SLC35D1: variants seen among roughly 807,000 people sequenced by gnomAD.
SLC35D1 encodes nucleotide sugar transporter SLC35D1.
SLC35D1 carries 31 observed loss-of-function variants against 46.7 expected under a neutral mutation model. The ratio of observed to expected loss-of-function variants is 0.66; its 90% CI spans 0.50 to 0.90. The LOEUF (loss-of-function observed/expected upper bound fraction) is 0.90, where lower values mean the gene tolerates loss of function less well. SLC35D1 is among the 40% of genes least tolerant of loss of function. The probability of loss-of-function intolerance (pLI) is 0.00; values close to 1 mark genes in which losing one functional copy is unlikely to be tolerated. For synonymous variants in SLC35D1, 195 were observed against 164.6 expected (o/e 1.18, Z -1.41); for missense variants, 397 against 426.2 (o/e 0.93, Z 0.60).
At position 67,015,941 on chromosome 1, in the gene SLC35D1, T is replaced by A. The variant is rs1667676428; in HGVS notation, c.876+4428A>T. On this transcript the variant is annotated intron_variant, in intron 10 of 11. Coordinates refer to ENST00000235345, the MANE Select transcript of SLC35D1 (RefSeq NM_015139.3). The stretch of plus-strand genomic sequence containing the variant: ...CTGCAATCCTGTTTTAAACCTTTGT[T>A]ATCTGACATATTTCCCCAAATCAAA... Among the ~76,000 whole-genome samples the A allele has an allele frequency of 2.0e-5, 3 of 152,166 alleles. 1 individual carries two copies. The South Asian group carries it at 6.2e-4, about 32-fold the overall frequency.
chr1:66,985,589 A>T, the SLC35D1 span: 1 of 985,224 alleles, frequency 1.0e-6, no homozygotes, highest in South Asian at 4.7e-5. Context: ...AAAGATTTTT[A>T]CAGTACATAT....
chr1:67,013,740 TGA>T (rs983031090), intron 10 of SLC35D1, among the ~76,000 whole-genome samples: 4 of 152,058 alleles, frequency 2.6e-5, no homozygotes. Flanking sequence ...TGTGTGTGTG[TGA>T]GAGATGAGTG....
intron 8 of SLC35D1, among the ~76,000 whole-genome samples, chr1:67,039,731 T>C (rs1408822122): frequency 6.6e-6 from 1 of 152,150 alleles, no homozygotes; most frequent in African/African-American, 2.4e-5. Context: ...TTATCAGCAC[T>C]GATTATAGGG....
chr1:67,008,260 T>C (rs932458568), intron 11 of SLC35D1: 9 of 340,300 alleles, frequency 2.6e-5, no homozygotes, highest in African/African-American at 1.7e-4. Context: ...TGCCTCAGCC[T>C]CCCGAGCAGC....
At chr1:67,050,638 C>G in intron 4 of SLC35D1, 134 bp from the exon 5 acceptor site, 1 of 735,430 alleles carries the variant, frequency 1.4e-6, no homozygotes. Flanking sequence ...TATGGTTAAA[C>G]CCCTGCTTCT....
chr1:67,046,254 C>T (rs759256835), intron 7 of SLC35D1, among the ~76,000 whole-genome samples: 9 of 152,148 alleles, frequency 5.9e-5, no homozygotes, highest in Non-Finnish European at 1.2e-4. Flanking sequence ...GGCAAAGCCC[C>T]TGGCCAAGGC....
intron 10 of SLC35D1, among the ~76,000 whole-genome samples, chr1:67,013,647 C>T (rs1057161144): frequency 3.9e-5 from 6 of 152,062 alleles, no homozygotes; most frequent in Admixed American, 6.5e-5. Context: ...ATCTAGAGGG[C>T]ACTTCTAATG....
chr1:66,977,819 A>T, the SLC35D1 span, among the ~76,000 whole-genome samples: 12 of 152,158 alleles, frequency 7.9e-5, no homozygotes, highest in Non-Finnish European at 1.3e-4. Flanking sequence ...ATAATGCAAA[A>T]TAAAAAATAA....
At chr1:67,044,312 G>A (rs1176867137) in intron 7 of SLC35D1, among the ~76,000 whole-genome samples, 4 of 140,728 alleles carry the variant, frequency 2.8e-5, no homozygotes, top group Admixed American at 2.2e-4. Context: ...CAGGCTGGGC[G>A]ACAGAGTGAG....
the SLC35D1 span, among the ~76,000 whole-genome samples, chr1:66,990,515 C>T: frequency 6.6e-6 from 1 of 151,958 alleles, no homozygotes; most frequent in Non-Finnish European, 1.5e-5. Context: ...AATCCGCCTG[C>T]CCCAGCCTCC....
chr1:66,983,807 A>G, the SLC35D1 span, among the ~76,000 whole-genome samples: 4 of 152,134 alleles, frequency 2.6e-5, no homozygotes, highest in African/African-American at 7.2e-5. Context: ...GGCTCACTGC[A>G]ACCTCCGCCT....
the SLC35D1 span, among the ~76,000 whole-genome samples, chr1:66,993,339 A>G: frequency 2.6e-5 from 4 of 152,188 alleles, no homozygotes; most frequent in Admixed American, 6.5e-5. Flanking sequence ...CTGCCTTCAA[A>G]GGACACCTTA....
intron 10 of SLC35D1, among the ~76,000 whole-genome samples, chr1:67,015,830 G>C (rs1056521915): frequency 1.3e-5 from 2 of 152,112 alleles, no homozygotes; most frequent in African/African-American, 4.8e-5. Flanking sequence ...TCTTTATTAT[G>C]TCTTATAAGT....
At chr1:66,973,222 C>G in the SLC35D1 span, among the ~76,000 whole-genome samples, 1 of 152,018 alleles carries the variant, frequency 6.6e-6, no homozygotes, top group South Asian at 2.1e-4. Flanking sequence ...GAATTGTACT[C>G]ATTTACAAGC....
Position 67,004,229 on chromosome 1 carries a change from G to A in SLC35D1, c.*111C>T, listed in dbSNP as rs540665453. 1.3e-3 allele frequency: 1,138 copies of A among 900,258 alleles called. 17 individuals carry two copies. The South Asian group carries it at 0.014, about 11-fold the overall frequency. The allele number at this position is 900,258 out of a possible 1,614,324, so 55.8% of individuals were successfully genotyped here. On this transcript the variant is annotated 3_prime_UTR_variant, in exon 12 of 12. Transcript: ENST00000235345. ...ATCCTCAGATTGTACAAGTGCAAAG[G>A]AATGGTTATTTCCTCCATAATCAAG...
chr1:67,031,527 A>G (rs1365387899), intron 8 of SLC35D1, among the ~76,000 whole-genome samples: 2 of 152,196 alleles, frequency 1.3e-5, no homozygotes, highest in African/African-American at 4.8e-5. Context: ...CATAACCTAT[A>G]GTCTTTCCAT....
At chr1:67,032,602 AC>A (rs1668039663) in intron 8 of SLC35D1, among the ~76,000 whole-genome samples, 1 of 151,986 alleles carries the variant, frequency 6.6e-6, no homozygotes, top group South Asian at 2.1e-4. Context: ...AATAACTTGA[AC>A]CCAGGAGGCA....
downstream of SLC35D1, among the ~76,000 whole-genome samples, chr1:66,996,096 A>G (rs536757776): frequency 2.6e-5 from 4 of 152,366 alleles, no homozygotes; most frequent in South Asian, 8.3e-4. Context: ...ATGCACCAGT[A>G]AAGTGCTGGA....
the SLC35D1 span, chr1:66,987,288 G>T: frequency 6.6e-6 from 1 of 152,662 alleles, no homozygotes; most frequent in Admixed American, 6.6e-5. Context: ...GTAATATCAT[G>T]AATTTAATTT....
Sources: gnomAD v4.1 joint callset for allele counts (sites outside exome capture counted in the v4.1 genomes callset) on GRCh38, gnomAD v4.1.1 for gene constraint, MANE v1.5 for transcripts, NCBI Gene and HGNC (gene_info 2026-07-23, HGNC 2026-07-21) for gene names.